STARD13: variants seen among roughly 807,000 people sequenced by gnomAD.
STARD13 encodes stAR-related lipid transfer protein 13.
In STARD13, 62 loss-of-function variants were observed where a neutral mutation model predicts 106.4. The observed-to-expected ratio is 0.58, with a 90% CI of 0.48 to 0.72. The LOEUF (loss-of-function observed/expected upper bound fraction) is 0.72, where lower values mean the gene tolerates loss of function less well. STARD13 is among the 30% of genes least tolerant of loss of function. STARD13 has a pLI of 0.00. For missense variants in STARD13, 1,387 were observed against 1,424.0 expected (o/e 0.97, Z 0.42); for synonymous variants, 565 against 553.0 (o/e 1.02, Z -0.31).
the STARD13 span, among the ~76,000 whole-genome samples, chr13:33,614,782 A>C: frequency 6.6e-6 from 1 of 152,168 alleles, no homozygotes; most frequent in Non-Finnish European, 1.5e-5. Flanking sequence ...CAAGTGCATG[A>C]GCCTGGTGCT....
At position 33,222,023 on chromosome 13, in the gene STARD13, C is replaced by G. The variant is rs540698636; in HGVS notation, c.170-54401G>C. Among the ~76,000 whole-genome samples, 6 of 152,200 alleles carry G rather than the reference C, an allele frequency of 3.9e-5. No individual in the cohort carries two copies. The East Asian group carries it at 1.2e-3, about 29-fold the overall frequency. On this transcript the variant is annotated intron_variant, in intron 1 of 13. Coordinates refer to ENST00000336934, the MANE Select transcript of STARD13 (RefSeq NM_178006.4). ...AATTAGCTGGGTGTGGTGGTGCACACCTGCAGTCCTAGCTACTCAGGAGGC... is the reference window on the plus strand; with the variant it reads ...AATTAGCTGGGTGTGGTGGTGCACAGCTGCAGTCCTAGCTACTCAGGAGGC...
chr13:33,343,527 A>G (rs1216342385), intron 1 of STARD13, among the ~76,000 whole-genome samples: 1 of 140,794 alleles, frequency 7.1e-6, no homozygotes, highest in African/African-American at 2.7e-5. Flanking sequence ...GCACTGAGCC[A>G]TGATTCCATC....
chr13:33,233,237 T>A (rs373103344), intron 1 of STARD13, among the ~76,000 whole-genome samples: 2 of 152,378 alleles, frequency 1.3e-5, no homozygotes, highest in African/African-American at 2.4e-5. Context: ...TGCTTTCCTC[T>A]GATGGATCCC....
chr13:33,401,394 CAT>C, the STARD13 span, among the ~76,000 whole-genome samples: 1 of 152,162 alleles, frequency 6.6e-6, no homozygotes, highest in Admixed American at 6.5e-5. Flanking sequence ...TGCATTGTTT[CAT>C]TTGCACTCAT....
the STARD13 span, among the ~76,000 whole-genome samples, chr13:33,447,867 A>G: frequency 1.3e-5 from 2 of 152,198 alleles, no homozygotes; most frequent in African/African-American, 4.8e-5. Context: ...AGATATATAT[A>G]TAAACACCAT....
At chr13:33,172,583 T>C (rs1884091610) in intron 1 of STARD13, among the ~76,000 whole-genome samples, 1 of 152,240 alleles carries the variant, frequency 6.6e-6, no homozygotes, top group Non-Finnish European at 1.5e-5. Context: ...CATTGTATTT[T>C]TAAGCTGGTG....
At chr13:33,390,609 T>A in the STARD13 span, among the ~76,000 whole-genome samples, 2 of 152,174 alleles carry the variant, frequency 1.3e-5, no homozygotes, top group Admixed American at 1.3e-4. Flanking sequence ...ATTGGAAATA[T>A]AACTCAGGAC....
the STARD13 span, among the ~76,000 whole-genome samples, chr13:33,648,775 TTCTC>T: frequency 6.7e-6 from 1 of 149,758 alleles, no homozygotes; most frequent in Non-Finnish European, 1.5e-5. Context: ...TTTTTTTCTT[TTCTC>T]TTTCTTTTTT....
chr13:33,167,455 GA>G (rs200736400), intron 2 of STARD13, 95 bp downstream of exon 2: 252 of 1,292,510 alleles, frequency 1.9e-4, no homozygotes, highest in Non-Finnish European at 2.3e-4. Flanking sequence ...AAATGGGCGA[GA>G]AAAAAAAATC....
the STARD13 span, among the ~76,000 whole-genome samples, chr13:33,545,896 A>G: frequency 6.6e-6 from 1 of 152,248 alleles, no homozygotes; most frequent in South Asian, 2.1e-4. Flanking sequence ...ACTGTGAGCC[A>G]AGTAAACCTC....
the STARD13 span, among the ~76,000 whole-genome samples, chr13:33,653,847 G>A: frequency 4.6e-5 from 7 of 152,068 alleles, no homozygotes; most frequent in African/African-American, 1.4e-4. Context: ...GATGAGTAAC[G>A]CAATTTAAAA....
chr13:33,169,203 T>A (rs728641), intron 1 of STARD13, among the ~76,000 whole-genome samples: 5,555 of 152,286 alleles, frequency 0.036, 353 homozygotes, highest in African/African-American at 0.13. Flanking sequence ...AGTCTCTGAG[T>A]TCCACAACTG....
At chr13:33,602,516 TG>T in the STARD13 span, among the ~76,000 whole-genome samples, 1 of 152,086 alleles carries the variant, frequency 6.6e-6, no homozygotes, top group Admixed American at 6.5e-5. Context: ...TTTAAGAAGG[TG>T]GGGGGCAGTT....
At chr13:33,225,574 C>A (rs574707455) in intron 1 of STARD13, among the ~76,000 whole-genome samples, 1 of 152,204 alleles carries the variant, frequency 6.6e-6, no homozygotes, top group Admixed American at 6.5e-5. Context: ...GTTTTTAGGT[C>A]TTTTCTGTAT....
In STARD13 at chr13:33,252,237, C is replaced by T. The variant is rs574932054; in HGVS notation, c.169+33233G>A. 2.3e-4 allele frequency among the ~76,000 whole-genome samples: 35 copies of T among 152,294 alleles called. 1 individual carries two copies. The South Asian group carries it at 5.2e-3, about 23-fold the overall frequency. On this transcript the variant is annotated intron_variant, in intron 1 of 13. Transcript: ENST00000336934. Reference sequence around the variant, plus strand: ...GAACTCCCTGCCTTTAATCCCTCTCCGGTTGCCACACTCCTACGTCCTGCC... The same window carrying T: ...GAACTCCCTGCCTTTAATCCCTCTCTGGTTGCCACACTCCTACGTCCTGCC...
intron 1 of STARD13, among the ~76,000 whole-genome samples, chr13:33,219,924 A>C (rs186234755): frequency 1.3e-5 from 2 of 152,176 alleles, no homozygotes; most frequent in Admixed American, 1.3e-4. Flanking sequence ...ACGCTTTTCC[A>C]TGATATACCC....
At chr13:33,411,094 T>A in the STARD13 span, among the ~76,000 whole-genome samples, 1 of 152,252 alleles carries the variant, frequency 6.6e-6, no homozygotes, top group Non-Finnish European at 1.5e-5. Flanking sequence ...TTCTGACTTG[T>A]AATATTTGAC....
At chr13:33,204,250 A>G (rs1887250796) in intron 1 of STARD13, among the ~76,000 whole-genome samples, 1 of 152,090 alleles carries the variant, frequency 6.6e-6, no homozygotes. Flanking sequence ...TGGTTGGCAT[A>G]GATGATTCCT....
At chr13:33,319,929 C>T (rs1440748947) in intron 1 of STARD13, among the ~76,000 whole-genome samples, 1 of 152,188 alleles carries the variant, frequency 6.6e-6, no homozygotes, top group African/African-American at 2.4e-5. Context: ...AAGTTCAAAG[C>T]CCTGCTTGGC....
Sources: allele counts gnomAD v4.1 joint callset (sites outside exome capture counted in the v4.1 genomes callset), GRCh38; gene constraint gnomAD v4.1.1; transcripts MANE v1.5; gene names NCBI Gene and HGNC (gene_info 2026-07-23, HGNC 2026-07-21).